The following LOC400499 variants were observed in gnomAD, a reference collection of about 807,000 sequenced individuals.
the LOC400499 span, among the ~76,000 whole-genome samples, chr16:11,501,476 C>A: frequency 6.6e-6 from 1 of 152,248 alleles, no homozygotes; most frequent in East Asian, 1.9e-4. Flanking sequence ...TCCCACTCAG[C>A]CTCCCAAGTA....
At chr16:11,505,669 A>G in the LOC400499 span, among the ~76,000 whole-genome samples, 9,958 of 151,698 alleles carry the variant, frequency 0.066, 899 homozygotes, top group African/African-American at 0.2. Flanking sequence ...GCTGGTCTCA[A>G]ACCCCTGGGG....
At chr16:11,453,523 A>C in the LOC400499 span, among the ~76,000 whole-genome samples, 2 of 152,206 alleles carry the variant, frequency 1.3e-5, no homozygotes. Flanking sequence ...TTCATGGAAC[A>C]GGACGCTGTA....
chr16:11,490,396 GAAAAAAA>G, the LOC400499 span, among the ~76,000 whole-genome samples: 2 of 60,596 alleles, frequency 3.3e-5, no homozygotes, highest in African/African-American at 1.3e-4. Flanking sequence ...ACTCTGTCTC[GAAAAAAA>G]AAAAAAAAAA....
At chr16:11,400,906 C>T in the LOC400499 span, among the ~76,000 whole-genome samples, 7 of 152,078 alleles carry the variant, frequency 4.6e-5, no homozygotes, top group South Asian at 2.1e-4. Context: ...AGGACACACC[C>T]GAGGCCCCCC....
chr16:11,412,886 T>A, the LOC400499 span: 3 of 398,902 alleles, frequency 7.5e-6, no homozygotes, highest in Non-Finnish European at 1.3e-5. Context: ...CAAGGTGGCC[T>A]GAGAATCGCA....
chr16:11,389,615 G>T, the LOC400499 span, among the ~76,000 whole-genome samples: 1 of 148,276 alleles, frequency 6.7e-6, no homozygotes, highest in East Asian at 2.0e-4. Flanking sequence ...AACTCAGGAA[G>T]TGAAGGTTTC....
chr16:11,464,730 G>T, the LOC400499 span, among the ~76,000 whole-genome samples: 6 of 152,236 alleles, frequency 3.9e-5, no homozygotes, highest in Non-Finnish European at 8.8e-5. Context: ...TACTGTAATT[G>T]TGATGAGTCT....
chr16:11,404,752 T>C, the LOC400499 span: 10 of 398,954 alleles, frequency 2.5e-5, no homozygotes, highest in East Asian at 3.6e-4. Flanking sequence ...CCAGAAAGGC[T>C]CCCGGTGAGG....
chr16:11,455,022 T>C, the LOC400499 span, among the ~76,000 whole-genome samples: 1 of 152,214 alleles, frequency 6.6e-6, no homozygotes, highest in African/African-American at 2.4e-5. Flanking sequence ...CTGATGTGTC[T>C]GACCACCTGG....
At chr16:11,457,368 T>C in the LOC400499 span, among the ~76,000 whole-genome samples, 3 of 151,042 alleles carry the variant, frequency 2.0e-5, no homozygotes, top group Admixed American at 2.0e-4. Flanking sequence ...CCGAGGCGGG[T>C]GGATCACGAG....
the LOC400499 span, among the ~76,000 whole-genome samples, chr16:11,416,535 G>A: frequency 1.7e-4 from 26 of 152,154 alleles, no homozygotes; most frequent in Non-Finnish European, 2.8e-4. Context: ...ACCCTACGGC[G>A]AAGCAGACAA....
the LOC400499 span, among the ~76,000 whole-genome samples, chr16:11,380,218 G>T: frequency 6.6e-6 from 1 of 151,008 alleles, no homozygotes; most frequent in Non-Finnish European, 1.5e-5. Context: ...GTCTTTATAT[G>T]TGGCCTCAAA....
the LOC400499 span, among the ~76,000 whole-genome samples, chr16:11,455,700 A>C: frequency 6.7e-6 from 1 of 149,182 alleles, no homozygotes; most frequent in Non-Finnish European, 1.5e-5. Context: ...GTGCCACTGC[A>C]CTCCAGCCTG....
the LOC400499 span, chr16:11,469,483 G>A: frequency 2.5e-6 from 1 of 399,102 alleles, no homozygotes; most frequent in African/African-American, 2.1e-5. Flanking sequence ...GGGGCGCAGT[G>A]AGCAGGGAGG....
chr16:11,400,060 G>GAAAAA, the LOC400499 span, among the ~76,000 whole-genome samples: 125 of 146,122 alleles, frequency 8.6e-4, no homozygotes, highest in African/African-American at 3.2e-3. Context: ...GCATTTAAAT[G>GAAAAA]AAAAAAAAAA....
chr16:11,524,687 G>A, the LOC400499 span, among the ~76,000 whole-genome samples: 1 of 152,058 alleles, frequency 6.6e-6, no homozygotes, highest in African/African-American at 2.4e-5. Flanking sequence ...AGCTCAGGCT[G>A]CTAAGAAAAC....
chr16:11,516,260 C>T, the LOC400499 span: 6 of 399,510 alleles, frequency 1.5e-5, no homozygotes, highest in Non-Finnish European at 2.6e-5. Flanking sequence ...GTGGGCCACA[C>T]GCCCAGAGTG....
At chr16:11,432,087 C>A in the LOC400499 span, among the ~76,000 whole-genome samples, 1 of 152,174 alleles carries the variant, frequency 6.6e-6, no homozygotes, top group African/African-American at 2.4e-5. Flanking sequence ...TGGAAGAGCA[C>A]CGAGGTGCCA....
the LOC400499 span, among the ~76,000 whole-genome samples, chr16:11,470,010 C>G: frequency 1.3e-5 from 2 of 152,214 alleles, no homozygotes; most frequent in Non-Finnish European, 2.9e-5. Context: ...TCAAGTGATT[C>G]TCCTGCCTCA....
Sources: gnomAD v4.1 joint callset for allele counts (sites outside exome capture counted in the v4.1 genomes callset) on GRCh38, gnomAD v4.1.1 for gene constraint, MANE v1.5 for transcripts.